The following NRXN1 variants were observed in gnomAD, a reference collection of about 807,000 sequenced individuals.
NRXN1 encodes neurexin-1.
In NRXN1, 39 loss-of-function variants were observed where a neutral mutation model predicts 150.9. That is an observed-to-expected ratio of 0.26 (90% CI 0.20 to 0.34). The LOEUF is 0.34. Among genes scored for constraint, NRXN1 ranks in the 10% least tolerant of loss-of-function variants. The pLI, the probability that NRXN1 is intolerant of heterozygous loss-of-function variation, is 1.00. For missense variants in NRXN1, 1,815 were observed against 1,949.9 expected, an observed-to-expected ratio of 0.93 and a Z score of 1.30; for synonymous variants, 924 against 757.0, an observed-to-expected ratio of 1.22 and a Z score of -3.62.
At chr2:50,559,448 C>T (rs1008785178) in intron 8 of NRXN1, among the ~76,000 whole-genome samples, 2 of 152,160 alleles carry the variant, frequency 1.3e-5, no homozygotes, top group Non-Finnish European at 2.9e-5. Context: ...ATGGTAGGAT[C>T]AATCAAATGC....
At chr2:50,682,227 A>G (rs1347858051) in intron 5 of NRXN1, among the ~76,000 whole-genome samples, 1 of 152,162 alleles carries the variant, frequency 6.6e-6, no homozygotes, top group South Asian at 2.1e-4. Context: ...GCCCCAGCAA[A>G]TTACCCAGAC....
chr2:50,595,278 G>T (rs937663248), intron 8 of NRXN1, among the ~76,000 whole-genome samples: 5 of 152,078 alleles, frequency 3.3e-5, no homozygotes, highest in Non-Finnish European at 7.4e-5. Context: ...TTGGAAGAAA[G>T]AAAGAATTTG....
intron 17 of NRXN1, among the ~76,000 whole-genome samples, chr2:50,307,703 T>C (rs751077208): frequency 1.3e-5 from 2 of 152,176 alleles, no homozygotes; most frequent in Non-Finnish European, 2.9e-5. Flanking sequence ...TCATGACTCC[T>C]GACTTACTCT....
chr2:50,675,448 T>C (rs1364642520), intron 5 of NRXN1, among the ~76,000 whole-genome samples: 3 of 152,156 alleles, frequency 2.0e-5, no homozygotes, highest in Admixed American at 6.6e-5. Context: ...ATAGTTTAAA[T>C]TCATGCTGTA....
In NRXN1 at chr2:50,558,283, G is replaced by A. The variant is rs1573540535; in HGVS notation, c.1321-5258C>T. Reference sequence around the variant, plus strand: ...AGAGTGACTGCATGTCTTTCTTCATGATCATGTCTAATCCTGTTTGAATAC... The same window carrying A: ...AGAGTGACTGCATGTCTTTCTTCATAATCATGTCTAATCCTGTTTGAATAC... On this transcript the variant is annotated intron_variant, in intron 8 of 22. Coordinates refer to ENST00000401669, the MANE Select transcript of NRXN1 (RefSeq NM_001330078.2). Among the ~76,000 whole-genome samples the A allele has an allele frequency of 2.6e-5, 4 of 152,254 alleles. No homozygotes were observed. The East Asian group carries it at 7.7e-4, about 29-fold the overall frequency.
chr2:50,235,710 C>G (rs2065350203), intron 18 of NRXN1, among the ~76,000 whole-genome samples: 1 of 151,914 alleles, frequency 6.6e-6, no homozygotes, highest in Non-Finnish European at 1.5e-5. Flanking sequence ...AGAGTGAGCA[C>G]TGATAGAAGG....
chr2:50,591,389 TAGATAG>T (rs1674189473), intron 8 of NRXN1, among the ~76,000 whole-genome samples: 1 of 108,844 alleles, frequency 9.2e-6, no homozygotes, highest in Non-Finnish European at 2.0e-5. Flanking sequence ...ATCAGATAGA[TAGATAG>T]ATAGATAGAT....
intron 5 of NRXN1, among the ~76,000 whole-genome samples, chr2:50,674,854 GA>G (rs1430806962): frequency 1.1e-4 from 16 of 152,018 alleles, no homozygotes; most frequent in Admixed American, 6.6e-5. Context: ...ACTAGCTATG[GA>G]AGAACTAAAT....
intron 18 of NRXN1, among the ~76,000 whole-genome samples, chr2:50,118,353 G>C (rs979909144): frequency 4.6e-5 from 7 of 152,072 alleles, no homozygotes; most frequent in African/African-American, 1.7e-4. Flanking sequence ...TATAATGTAT[G>C]GGGAAGATTC....
At chr2:50,844,255 C>A (rs1157058648) in intron 5 of NRXN1, among the ~76,000 whole-genome samples, 1 of 152,114 alleles carries the variant, frequency 6.6e-6, no homozygotes, top group Non-Finnish European at 1.5e-5. Context: ...TACAATCTTC[C>A]CGGACGTCAC....
At chr2:50,320,285 TATATATATATATATATATATA>T (rs2075926173) in intron 17 of NRXN1, among the ~76,000 whole-genome samples, 15 of 57,674 alleles carry the variant, frequency 2.6e-4, no homozygotes, top group South Asian at 1.3e-3. Context: ...ACCTCAATCA[TATATATATATATATATATATA>T]TATATATATA....
At chr2:49,961,930 G>A (rs761932482) in intron 21 of NRXN1, among the ~76,000 whole-genome samples, 10 of 152,042 alleles carry the variant, frequency 6.6e-5, no homozygotes, top group Non-Finnish European at 1.2e-4. Context: ...AAACTGTAAG[G>A]GAAAAATAAT....
chr2:50,829,189 G>A (rs1012026352), intron 5 of NRXN1, among the ~76,000 whole-genome samples: 43 of 152,236 alleles, frequency 2.8e-4, no homozygotes, highest in African/African-American at 9.4e-4. Flanking sequence ...GTACAGTCCA[G>A]CTTCGGCTTG....
chr2:50,028,749 T>A (rs551387063), intron 21 of NRXN1, among the ~76,000 whole-genome samples: 1 of 152,246 alleles, frequency 6.6e-6, no homozygotes, highest in Non-Finnish European at 1.5e-5. Flanking sequence ...TAATCTTACA[T>A]TTGTTTTTTC....
intron 18 of NRXN1, among the ~76,000 whole-genome samples, chr2:50,215,149 A>C (rs376143474): frequency 6.6e-6 from 1 of 151,964 alleles, no homozygotes; most frequent in South Asian, 2.1e-4. Context: ...GTTTTCTTAT[A>C]ATGGCATTAA....
At chr2:50,076,599 T>TA (rs1171309962) in intron 19 of NRXN1, among the ~76,000 whole-genome samples, 1 of 152,350 alleles carries the variant, frequency 6.6e-6, no homozygotes, top group East Asian at 1.9e-4. Context: ...CAGTCTGGCT[T>TA]TTGAATGTTC....
At chr2:50,152,372 G>A (rs1351269847) in intron 18 of NRXN1, among the ~76,000 whole-genome samples, 1 of 151,668 alleles carries the variant, frequency 6.6e-6, no homozygotes, top group Admixed American at 6.6e-5. Context: ...GCATATGTCA[G>A]AATTTCTTTC....
chr2:50,873,246 TATA>T (rs1458562042), intron 5 of NRXN1, among the ~76,000 whole-genome samples: 3 of 151,816 alleles, frequency 2.0e-5, no homozygotes, highest in Admixed American at 2.0e-4. Context: ...GTGACTGGCA[TATA>T]ATAACACTAT....
intron 17 of NRXN1, among the ~76,000 whole-genome samples, chr2:50,403,586 A>G (rs984994823): frequency 3.9e-5 from 6 of 152,234 alleles, no homozygotes; most frequent in African/African-American, 1.4e-4. Flanking sequence ...AATTAGAAGG[A>G]AAAACTATGG....
Sources: allele counts gnomAD v4.1 joint callset (sites outside exome capture counted in the v4.1 genomes callset), GRCh38; gene constraint gnomAD v4.1.1; transcripts MANE v1.5; gene names NCBI Gene and HGNC (gene_info 2026-07-23, HGNC 2026-07-21).